Variants in LRATD1 observed in about 807,000 individuals in gnomAD.
The protein encoded by LRATD1 is protein LRATD1.
Under a neutral mutation model 21.3 loss-of-function variants are expected in LRATD1, and 8 were observed. That is an observed-to-expected ratio of 0.38 (90% CI 0.22 to 0.68). The LOEUF (loss-of-function observed/expected upper bound fraction) is 0.68. Ranked by LOEUF, LRATD1 falls within the 30% of genes least tolerant of loss-of-function variation. The pLI, the probability that LRATD1 is intolerant of heterozygous loss-of-function variation, is 0.54. For missense variants in LRATD1, 380 were observed against 404.0 expected (o/e 0.94, Z 0.51); for synonymous variants, 210 against 186.2 (o/e 1.13, Z -1.04).
chr2:14,634,976 G>T lies in LRATD1; in HGVS notation c.*118G>T. The T allele has an allele frequency of 7.5e-7, 1 of 1,335,706 alleles. No homozygotes were observed. 82.7% of individuals were successfully genotyped at this position (1,335,706 alleles called of 1,614,324 possible). A position where few individuals can be genotyped will look rare whatever the true frequency, so the allele number is the denominator to read the frequency against. Reference sequence around the variant, plus strand: ...CTGCCCCGCCCCGCCACGCGCGTCCGCCGCCGGTGGCCCGGGCCCGGGCTG... The same window carrying T: ...CTGCCCCGCCCCGCCACGCGCGTCCTCCGCCGGTGGCCCGGGCCCGGGCTG... On this transcript the variant is annotated 3_prime_UTR_variant, in exon 2 of 2. Coordinates refer to ENST00000295092, the MANE Select transcript of LRATD1 (RefSeq NM_145175.4).
intron 4 of LRATD1, chr2:14,649,201 G>A (rs1233068650): frequency 4.5e-6 from 2 of 445,520 alleles, no homozygotes; most frequent in Non-Finnish European, 9.0e-6. Context: ...AGGGGTTGGG[G>A]GAGGGGGGAT....
chr2:14,636,686 T>C lies in LRATD1; in HGVS notation c.*1828T>C, dbSNP rs1162865413. On this transcript the variant is annotated 3_prime_UTR_variant, in exon 2 of 2. Transcript: ENST00000295092. ...TGTCAAATAATGCTGTTTAGCTAAT[T>C]GTTGCAAGCAATTGCATATTAACAG... 6.0e-6 allele frequency: 1 copy of C among 167,136 alleles called. No homozygotes were observed. The highest frequency in any genetic ancestry group is 6.5e-5 in the Admixed American group (1 of 15,294). 10.4% of individuals were successfully genotyped at this position (167,136 alleles called of 1,614,324 possible).
In LRATD1 at chr2:14,634,199, C is replaced by A. The variant is rs1159427358; in HGVS notation, c.220C>A (p.His74Asn). ...CPESPSRHHHHLLHQLVLNET... is the reference protein window; with the variant it reads ...CPESPSRHHHNLLHQLVLNET... Reference sequence around the variant, plus strand: ...GGAGAGCCCCAGCCGCCACCACCACCACCTGCTGCACCAGCTGGTCCTCAA... The same window carrying A: ...GGAGAGCCCCAGCCGCCACCACCACAACCTGCTGCACCAGCTGGTCCTCAA... Residue 74 changes from histidine to asparagine, a missense_variant, in exon 2 of 2, where the codon CAC becomes AAC. Physicochemically the swap from His to Asn is moderately conservative, Grantham distance 68 (BLOSUM62 1). Coordinates refer to ENST00000295092, the MANE Select transcript of LRATD1 (RefSeq NM_145175.4). 1 of 1,613,340 alleles carries A rather than the reference C, an allele frequency of 6.2e-7. No homozygotes were observed. Among genetic ancestry groups the A allele is most frequent in the South Asian group, 1.1e-5 (1 of 91,056 alleles).
Position 14,634,343 on chromosome 2 carries a change from C to T in LRATD1, c.364C>T (p.Pro122Ser). Residue 122 changes from proline to serine, a missense_variant, in exon 2 of 2, where the codon CCC becomes TCC. Coordinates refer to ENST00000295092, the MANE Select transcript of LRATD1 (RefSeq NM_145175.4). Reference sequence around the variant, plus strand: ...CACCGCGCTGCCAGCGCTCTGCGAACCCGGCGACCTGCTGGAGCTGCTGTG... The same window carrying T: ...CACCGCGCTGCCAGCGCTCTGCGAATCCGGCGACCTGCTGGAGCTGCTGTG... ...AVTALPALCE[P>S]GDLLELLWLQ... 6.3e-7 allele frequency: 1 copy of T among 1,585,828 alleles called. No homozygotes were observed.
intron 4 of LRATD1, among the ~76,000 whole-genome samples, chr2:14,648,386 C>T (rs1260810371): frequency 6.6e-6 from 1 of 152,124 alleles, no homozygotes; most frequent in Non-Finnish European, 1.5e-5. Flanking sequence ...AAAATATTAA[C>T]ACTTTTTAAA....
downstream of LRATD1, among the ~76,000 whole-genome samples, chr2:14,640,347 G>A (rs534598430): frequency 7.9e-5 from 12 of 152,140 alleles, no homozygotes; most frequent in Non-Finnish European, 1.6e-4. Flanking sequence ...TAATTGCTAT[G>A]CCTCTTGGCT....
downstream of LRATD1, among the ~76,000 whole-genome samples, chr2:14,641,176 C>A (rs770565109): frequency 5.3e-5 from 8 of 152,098 alleles, no homozygotes; most frequent in East Asian, 3.9e-4. Context: ...AGCTGGCGAA[C>A]TAAGGACACA....
rs116587159 is a variant in LRATD1 at position 14,633,894 on chromosome 2, A to G, written c.-36-50A>G. ...GCACGTCTTGGGGAGGGACACCGAA[A>G]GGGGCAGCCCGGACTCTGACGGTGT... On this transcript the variant is annotated intron_variant, in intron 1 of 1. Transcript: ENST00000295092. This position sits in a 1 kb window ranked among gnomAD's most constrained non-coding sequence, Gnocchi z 7.5. 7,732 of 1,496,706 alleles carry G rather than the reference A, an allele frequency of 5.2e-3. 279 individuals are homozygous for G. The African/African-American group carries it at 0.079, about 15-fold the overall frequency. The allele number at this position is 1,496,706 out of a possible 1,614,324, so 92.7% of individuals were successfully genotyped here.
chr2:14,635,393 G>T lies in LRATD1; in HGVS notation c.*535G>T, dbSNP rs981899541. ...ATCGAGCCTGTCCCTTGTGCACTTG[G>T]GAATAATTCCCCAAGACAGCACTTC... On this transcript the variant is annotated 3_prime_UTR_variant, in exon 2 of 2. Coordinates refer to ENST00000295092, the MANE Select transcript of LRATD1 (RefSeq NM_145175.4). The T allele has an allele frequency of 2.1e-6, 1 of 472,232 alleles. No homozygotes were observed. Among genetic ancestry groups the T allele is most frequent in the Non-Finnish European group, 4.4e-6 (1 of 227,942 alleles). The allele number at this position is 472,232 out of a possible 1,614,324, so 29.3% of individuals were successfully genotyped here.
At chr2:14,649,590 G>C (rs962303980) in exon 6 of LRATD1, 6 of 328,300 alleles carry the variant, frequency 1.8e-5, no homozygotes, top group Non-Finnish European at 3.6e-5. Flanking sequence ...CCAGCCTCTT[G>C]TCCTCTGGAT....
Position 14,633,679 on chromosome 2 carries a change from C to T in LRATD1, c.-36-265C>T, listed in dbSNP as rs760537743. 1.5e-5 allele frequency: 6 copies of T among 394,088 alleles called. No individual in the cohort carries two copies. Among genetic ancestry groups the T allele is most frequent in the Non-Finnish European group, 2.3e-5 (5 of 217,090 alleles). The allele number at this position is 394,088 out of a possible 1,614,324, so 24.4% of individuals were successfully genotyped here. On this transcript the variant is annotated intron_variant, in intron 1 of 1. Transcript: ENST00000295092. This position sits in a 1 kb window ranked among gnomAD's most constrained non-coding sequence, Gnocchi z 7.5. ...GGACCCCGCAAGCTCTCCAGCCAGC[C>T]TGGGTGTTTTCTTCTGGGAGTTGGA...
chr2:14,650,956 A>T (rs1342918716), downstream of LRATD1: 1 of 152,204 alleles, frequency 6.6e-6, no homozygotes, highest in Non-Finnish European at 1.5e-5. Context: ...AAAAGCTAAC[A>T]TATGCCTATG....
chr2:14,634,353 T>C lies in LRATD1; in HGVS notation c.374T>C (p.Leu125Pro). Residue 125 changes from leucine (L) to proline (P), a missense_variant, in exon 2 of 2, where the codon CTG (leucine) becomes CCG (proline). By Grantham distance (98) the Leu-to-Pro change is moderately conservative (BLOSUM62 -3). Transcript: ENST00000295092. ...ALPALCEPGD[L>P]LELLWLQPAP... is the part of the protein sequence containing the mutation. ...CCAGCGCTCTGCGAACCCGGCGACC[T>C]GCTGGAGCTGCTGTGGCTGCAGCCC... 1 of 1,578,076 alleles carries C rather than the reference T, an allele frequency of 6.3e-7. No individual in the cohort carries two copies. The highest frequency in any genetic ancestry group is 8.6e-7 in the Non-Finnish European group (1 of 1,164,524).
Position 14,634,604 on chromosome 2 carries a change from T to A in LRATD1, c.625T>A (p.Trp209Arg). 2 of 1,516,368 alleles carry A rather than the reference T, an allele frequency of 1.3e-6. No individual in the cohort carries two copies. Among genetic ancestry groups the A allele is most frequent in the Non-Finnish European group, 1.8e-6 (2 of 1,127,990 alleles). 93.9% of individuals were successfully genotyped at this position (1,516,368 alleles called of 1,614,324 possible). A position where few individuals can be genotyped will look rare whatever the true frequency, so the allele number is the denominator to read the frequency against. ...GGGCCTCAAGAGCGAGGAGATCTGC[T>A]GGACGAACTCGGAGAGCTTCGCCGC... The part of the protein sequence containing the change: ...HLGLKSEEIC[W>R]TNSESFAAWC... Residue 209 changes from tryptophan to arginine, a missense_variant, in exon 2 of 2, where the codon TGG becomes AGG. Coordinates refer to ENST00000295092, the MANE Select transcript of LRATD1 (RefSeq NM_145175.4).
In LRATD1 at chr2:14,634,984, T is replaced by TGGCCCG. The variant is rs1190400175; in HGVS notation, c.*136_*141dup. The TGGCCCG allele has an allele frequency of 3.1e-6, 4 of 1,304,078 alleles. No homozygotes were observed. The highest frequency in any genetic ancestry group is 2.9e-5 in the South Asian group (2 of 69,716). 80.8% of individuals were successfully genotyped at this position (1,304,078 alleles called of 1,614,324 possible). ...CCCCGCCACGCGCGTCCGCCGCCGG[T>TGGCCCG]GGCCCGGGCCCGGGCTGCACCCCCG... On this transcript the variant is annotated 3_prime_UTR_variant, in exon 2 of 2. Coordinates refer to ENST00000295092, the MANE Select transcript of LRATD1 (RefSeq NM_145175.4).
At chr2:14,646,085 C>T (rs1245047417) in intron 2 of LRATD1, 1 of 152,196 alleles carries the variant, frequency 6.6e-6, no homozygotes, top group African/African-American at 2.4e-5. Context: ...AAATGTCTCC[C>T]TCCACCTTTT....
chr2:14,649,491 C>T (rs1261829070), intron 5 of LRATD1: 4 of 397,316 alleles, frequency 1.0e-5, no homozygotes, highest in Admixed American at 8.8e-5. Flanking sequence ...AGAAGCTCTG[C>T]CGGGTGAAAT....
intron 4 of LRATD1, chr2:14,649,197 TG>T (rs1671956916): frequency 4.5e-6 from 2 of 442,920 alleles, no homozygotes; most frequent in Admixed American, 4.8e-5. Context: ...GTGTAGGGGT[TG>T]GGGGAGGGGG....
At chr2:14,642,097 G>T (rs566046442), downstream of LRATD1, 1 of 152,450 alleles carries the variant, frequency 6.6e-6, no homozygotes, top group Non-Finnish European at 1.5e-5. Flanking sequence ...GAGGAATACC[G>T]CCCAGCATCT....
Sources: gnomAD v4.1 joint callset for allele counts (sites outside exome capture counted in the v4.1 genomes callset) on GRCh38, gnomAD v4.1.1 for gene constraint, Gnocchi (gnomAD v3.1) non-coding constraint, MANE v1.5 for transcripts, NCBI Gene and HGNC (gene_info 2026-07-23, HGNC 2026-07-21) for gene names.